MEF2C: variants seen among roughly 807,000 people sequenced by gnomAD.
MEF2C encodes myocyte enhancer factor 2C, also known as myocyte-specific enhancer factor 2C.
MEF2C carries 6 observed loss-of-function variants against 50.5 expected under a neutral mutation model. That is an observed-to-expected ratio of 0.12 (90% CI 0.07 to 0.23). The LOEUF (loss-of-function observed/expected upper bound fraction) is 0.23. MEF2C is among the 10% of genes least tolerant of loss of function. The pLI, the probability that MEF2C is intolerant of heterozygous loss-of-function variation, is 1.00. For synonymous variants in MEF2C, 183 were observed against 228.0 expected, an observed-to-expected ratio of 0.80 and a Z score of 1.78; for missense variants, 276 against 605.0, an observed-to-expected ratio of 0.46 and a Z score of 5.70.
intron 1 of MEF2C, among the ~76,000 whole-genome samples, chr5:88,850,110 G>A (rs547395563): frequency 2.5e-5 from 3 of 119,170 alleles, no homozygotes; most frequent in South Asian, 2.7e-4. Context: ...AACAGGCCCC[G>A]GTGTGTGATG....
At chr5:88,858,704 C>T (rs1462368201) in intron 1 of MEF2C, among the ~76,000 whole-genome samples, 6 of 152,132 alleles carry the variant, frequency 3.9e-5, no homozygotes, top group Non-Finnish European at 4.4e-5. Flanking sequence ...AAATCTCTTT[C>T]TCATGTGTTC....
intron 2 of MEF2C, among the ~76,000 whole-genome samples, chr5:88,816,331 A>C (rs1805358754): frequency 6.6e-6 from 1 of 152,130 alleles, no homozygotes; most frequent in South Asian, 2.1e-4. Context: ...TATGTGTGGC[A>C]CACTGTTGCT....
chr5:88,785,106 AGAGTCTT>A, intron 3 of MEF2C, among the ~76,000 whole-genome samples: 1 of 152,152 alleles, frequency 6.6e-6, no homozygotes, highest in Non-Finnish European at 1.5e-5. Flanking sequence ...TTTTGTCTCA[AGAGTCTT>A]ATCACCAGCA....
chr5:88,876,711 A>C (rs1236694959), intron 1 of MEF2C, among the ~76,000 whole-genome samples: 2 of 152,132 alleles, frequency 1.3e-5, no homozygotes, highest in East Asian at 1.9e-4. Flanking sequence ...TGCTGAAAGA[A>C]TCACAGGTGT....
At chr5:88,814,443 T>A (rs1804376994) in intron 2 of MEF2C, among the ~76,000 whole-genome samples, 1 of 152,000 alleles carries the variant, frequency 6.6e-6, no homozygotes, top group Non-Finnish European at 1.5e-5. Context: ...CTTGTAACCC[T>A]CCAGCATAAC....
chr5:88,799,868 T>TCA (rs1318269323), intron 3 of MEF2C, among the ~76,000 whole-genome samples: 22 of 95,240 alleles, frequency 2.3e-4, no homozygotes, highest in Admixed American at 1.3e-3. Context: ...TCTCTCTCTC[T>TCA]CTCACACACA....
intron 3 of MEF2C, chr5:88,766,782 A>C (rs191204672): frequency 1.0e-6 from 1 of 985,448 alleles, no homozygotes; most frequent in African/African-American, 1.7e-5. Flanking sequence ...TCAAGAACAC[A>C]TGCAGGAATT....
At chr5:88,793,199 A>G (rs1328053810) in intron 3 of MEF2C, among the ~76,000 whole-genome samples, 1 of 152,222 alleles carries the variant, frequency 6.6e-6, no homozygotes, top group Non-Finnish European at 1.5e-5. Flanking sequence ...TCCAAAGTGT[A>G]ATTGGGACCT....
chr5:88,792,110 G>A (rs1794052526), intron 3 of MEF2C, among the ~76,000 whole-genome samples: 2 of 151,872 alleles, frequency 1.3e-5, no homozygotes. Context: ...TTTTTATAAT[G>A]AAAAATACTT....
At chr5:88,807,800 TAGAA>T (rs1374788201) in intron 2 of MEF2C, among the ~76,000 whole-genome samples, 1 of 152,206 alleles carries the variant, frequency 6.6e-6, no homozygotes, top group Non-Finnish European at 1.5e-5. Flanking sequence ...TTATGACTGA[TAGAA>T]AGATAAAGCT....
At chr5:88,823,666 G>A (rs1809537399) in intron 2 of MEF2C, 69 bp downstream of exon 2, 1 of 1,379,292 alleles carries the variant, frequency 7.3e-7, no homozygotes, top group East Asian at 2.3e-5. Context: ...GATATTTTCT[G>A]TACCCTTAAC....
intron 6 of MEF2C, chr5:88,740,924 A>G (rs1215291313): frequency 1.0e-6 from 1 of 985,410 alleles, no homozygotes; most frequent in Non-Finnish European, 1.2e-6. Flanking sequence ...TCATTTTTAT[A>G]AACAAAAATA....
At chr5:88,736,164 A>T in intron 6 of MEF2C, 1 of 985,314 alleles carries the variant, frequency 1.0e-6, no homozygotes, top group Non-Finnish European at 1.2e-6. Context: ...CACTGCCACC[A>T]TCTTAGCTTT....
chr5:88,842,624 A>T (rs1817797086), intron 1 of MEF2C, among the ~76,000 whole-genome samples: 1 of 152,154 alleles, frequency 6.6e-6, no homozygotes, highest in African/African-American at 2.4e-5. Context: ...TAAATAAAGA[A>T]ATGGGAAATA....
At chr5:88,841,654 A>AT (rs2153329089) in intron 1 of MEF2C, among the ~76,000 whole-genome samples, 1 of 152,286 alleles carries the variant, frequency 6.6e-6, no homozygotes, top group Non-Finnish European at 1.5e-5. Flanking sequence ...CTTGTATTAC[A>AT]TTTCATGTAT....
At chr5:88,781,500 G>A (rs1338251499) in intron 3 of MEF2C, among the ~76,000 whole-genome samples, 1 of 152,154 alleles carries the variant, frequency 6.6e-6, no homozygotes, top group Non-Finnish European at 1.5e-5. Flanking sequence ...TATGAAAGTG[G>A]CAGAAACCAG....
Position 88,722,528 on chromosome 5 carries a change from A to AC in MEF2C, c.*75dup, listed in dbSNP as rs939252552. 6.1e-6 allele frequency: 8 copies of AC among 1,319,684 alleles called. No homozygotes were observed. Among genetic ancestry groups the AC allele is most frequent in the African/African-American group, 1.5e-5 (1 of 66,646 alleles). The allele number at this position is 1,319,684 out of a possible 1,614,324, so 81.7% of individuals were successfully genotyped here. On this transcript the variant is annotated 3_prime_UTR_variant, in exon 11 of 11. Coordinates refer to ENST00000504921, the MANE Select transcript of MEF2C (RefSeq NM_002397.5). Reference sequence around the variant, plus strand: ...CACACGGCACATATAATGCATATCGACCCCCCTTCCCCATTAAGGTATAGC... The same window carrying AC: ...CACACGGCACATATAATGCATATCGACCCCCCCTTCCCCATTAAGGTATAGC...
chr5:88,871,361 T>C (rs1829460680), intron 1 of MEF2C, among the ~76,000 whole-genome samples: 1 of 151,910 alleles, frequency 6.6e-6, no homozygotes, highest in South Asian at 2.1e-4. Context: ...ATTATTATTA[T>C]TATTTTTAAA....
intron 6 of MEF2C, chr5:88,737,167 C>T: frequency 1.0e-6 from 1 of 985,312 alleles, no homozygotes; most frequent in South Asian, 4.7e-5. Context: ...TAATGAGTAA[C>T]TTGTTAAATT....
Sources: gnomAD v4.1 joint callset for allele counts (sites outside exome capture counted in the v4.1 genomes callset) on GRCh38, gnomAD v4.1.1 for gene constraint, MANE v1.5 for transcripts, NCBI Gene and HGNC (gene_info 2026-07-23, HGNC 2026-07-21) for gene names.